Variants in PPP2R1A observed in about 807,000 individuals in gnomAD.
The protein encoded by PPP2R1A is protein phosphatase 2 scaffold subunit Aalpha, also known as serine/threonine-protein phosphatase 2A 65 kDa regulatory subunit A alpha isoform.
A neutral mutation model predicts 67.1 loss-of-function variants in PPP2R1A; 15 were observed. The ratio of observed to expected loss-of-function variants is 0.22; its 90% CI spans 0.15 to 0.34. The LOEUF (loss-of-function observed/expected upper bound fraction) is 0.34. Ranked by LOEUF, PPP2R1A falls within the 10% of genes least tolerant of loss-of-function variation. The pLI is 1.00. For missense variants in PPP2R1A, 369 were observed against 775.0 expected, an observed-to-expected ratio of 0.48 and a Z score of 6.22; for synonymous variants, 337 against 325.0, an observed-to-expected ratio of 1.04 and a Z score of -0.40.
At chr19:52,199,381 G>T (rs190141776) in intron 1 of PPP2R1A, among the ~76,000 whole-genome samples, 196 of 152,160 alleles carry the variant, frequency 1.3e-3, no homozygotes, top group Admixed American at 1.9e-3. Flanking sequence ...GTGTTAGCCA[G>T]GATGGTCTCG....
rs1461586057 is a variant in PPP2R1A, at chr19:52,228,417, A to G, written c.*2436A>G. 1 of 152,218 alleles carries G rather than the reference A, an allele frequency of 6.6e-6. No homozygotes were observed. Among genetic ancestry groups the G allele is most frequent in the African/African-American group, 2.4e-5 (1 of 41,448 alleles). The allele number at this position is 152,218 out of a possible 1,614,324, so 9.4% of individuals were successfully genotyped here. A position where few individuals can be genotyped will look rare whatever the true frequency, so the allele number is the denominator to read the frequency against. On this transcript the variant is annotated 3_prime_UTR_variant, in exon 15 of 15. Coordinates refer to ENST00000322088, the MANE Select transcript of PPP2R1A (RefSeq NM_014225.6). ...GGAGACTCGTTCAAGTGTGTTACTG[A>G]GGGAGTGCTCTCAGGAGAACGGACT...
chr19:52,211,556 C>T lies in PPP2R1A; in HGVS notation c.503+64C>T. On this transcript the variant is annotated intron_variant, in intron 4 of 14. Transcript: ENST00000322088. This position sits in a 1 kb window ranked among gnomAD's most constrained non-coding sequence, Gnocchi z 5.3. ...TCAGCTCCAACCTTCTCTAAAGCCT[C>T]AGACTCCTTTTGGTCTAGCTGGGGC... 6.6e-7 allele frequency: 1 copy of T among 1,516,558 alleles called. No individual in the cohort carries two copies. Among genetic ancestry groups the T allele is most frequent in the Admixed American group, 1.9e-5 (1 of 51,922 alleles). 93.9% of individuals were successfully genotyped at this position (1,516,558 alleles called of 1,614,324 possible).
At chr19:52,203,977 C>G (rs2089577229) in intron 2 of PPP2R1A, among the ~76,000 whole-genome samples, 1 of 152,192 alleles carries the variant, frequency 6.6e-6, no homozygotes, top group African/African-American at 2.4e-5. Context: ...TCCGTGCCCT[C>G]CCTGAGCCCA....
chr19:52,191,920 C>T (rs990704850), intron 1 of PPP2R1A, among the ~76,000 whole-genome samples: 7 of 152,084 alleles, frequency 4.6e-5, no homozygotes, highest in African/African-American at 1.4e-4. Context: ...CTGTGCAGGG[C>T]GCTGTTCTAA....
chr19:52,195,358 TCAA>T (rs2089488747), intron 1 of PPP2R1A, among the ~76,000 whole-genome samples: 1 of 152,126 alleles, frequency 6.6e-6, no homozygotes, highest in African/African-American at 2.4e-5. Context: ...AACACAACAA[TCAA>T]CAACACAGAA....
rs1209514069 is a variant in PPP2R1A, at chr19:52,211,538, C to T, written c.503+46C>T. 4 of 1,555,046 alleles carry T rather than the reference C, an allele frequency of 2.6e-6. No homozygotes were observed. Among genetic ancestry groups the T allele is most frequent in the Non-Finnish European group, 3.5e-6 (4 of 1,147,836 alleles). ...AAGCTCCAAGCTCCCATCTCAGCTC[C>T]AACCTTCTCTAAAGCCTCAGACTCC... is the stretch of plus-strand genomic sequence containing the variant. On this transcript the variant is annotated intron_variant, in intron 4 of 14. Transcript: ENST00000322088. This position sits in a 1 kb window ranked among gnomAD's most constrained non-coding sequence, Gnocchi z 5.3.
intron 1 of PPP2R1A, among the ~76,000 whole-genome samples, chr19:52,195,010 G>C (rs2089485242): frequency 6.6e-6 from 1 of 152,196 alleles, no homozygotes. Flanking sequence ...TGGATCAGTA[G>C]ACTAGGGTCA....
Position 52,212,999 on chromosome 19 carries a change from C to T in PPP2R1A, c.696C>T (p.Ala232=), listed in dbSNP as rs772983821. 1.6e-5 allele frequency: 26 copies of T among 1,611,110 alleles called. No individual in the cohort carries two copies. Among genetic ancestry groups the T allele is most frequent in the Middle Eastern group, 1.6e-4 (1 of 6,066 alleles). ...CGGTGGAGGCGTGCGTGAACATCGC[C>T]CAGCTTCTGCCCCAGGAGGATCTGG... ...LLAVEACVNI[A]QLLPQEDLEA... is the part of the protein sequence containing the mutation. Residue 232 remains alanine (A), a synonymous_variant, in exon 6 of 15, where the codon GCC becomes GCT. Coordinates refer to ENST00000322088, the MANE Select transcript of PPP2R1A (RefSeq NM_014225.6). This position sits in a 1 kb window ranked among gnomAD's most constrained non-coding sequence, Gnocchi z 4.1.
At position 52,216,621 on chromosome 19, in the gene PPP2R1A, C is replaced by T. The variant is rs370489148; in HGVS notation, c.1086C>T (p.Ile362=). The T allele has an allele frequency of 1.9e-5, 30 of 1,614,048 alleles. No homozygotes were observed. The Admixed American group carries it at 3.0e-4, about 16-fold the overall frequency. The change falls in exon 9 of 15, where the codon ATC becomes ATT. Residue 362 remains isoleucine, a synonymous_variant. Transcript: ENST00000322088. The surrounding 1 kb of genome is among the most constrained non-coding windows in gnomAD (Gnocchi z 4.3). ...CCATCTTGGGCAAAGACAACACCAT[C>T]GAGCACCTCTTGCCCCTCTTCCTGG... The part of the protein sequence containing the change: ...LSPILGKDNT[I]EHLLPLFLAQ...
intron 2 of PPP2R1A, among the ~76,000 whole-genome samples, chr19:52,204,281 C>G (rs545879035): frequency 7.9e-5 from 12 of 152,284 alleles, no homozygotes; most frequent in African/African-American, 2.6e-4. Context: ...TTCTTTGAAA[C>G]TATTGGCAGA....
At chr19:52,199,382 G>A (rs984569816) in intron 1 of PPP2R1A, among the ~76,000 whole-genome samples, 1 of 151,986 alleles carries the variant, frequency 6.6e-6, no homozygotes, top group African/African-American at 2.4e-5. Context: ...TGTTAGCCAG[G>A]ATGGTCTCGA....
Position 52,219,820 on chromosome 19 carries a change from C to T in PPP2R1A, c.1258C>T (p.Arg420Trp), listed in dbSNP as rs759316091. 6.2e-7 allele frequency: 1 copy of T among 1,612,370 alleles called. No individual in the cohort carries two copies. Among genetic ancestry groups the T allele is most frequent in the Non-Finnish European group, 8.5e-7 (1 of 1,179,852 alleles). The change falls in exon 10 of 15, where the codon CGG becomes TGG. Residue 420 changes from arginine (R) to tryptophan (W), a missense_variant. This residue lies in a region of PPP2R1A where 276 missense variants were observed against 508.4 expected (regional missense o/e 0.54). Transcript: ENST00000322088. This position sits in a 1 kb window ranked among gnomAD's most constrained non-coding sequence, Gnocchi z 4.0. The part of the protein sequence containing the change: ...ELAEDAKWRV[R>W]LAIIEYMPLL... ...GGCTGAGGACGCCAAGTGGCGGGTGCGGCTGGCCATCATTGAGTACATGCC... is the reference window on the plus strand; with the variant it reads ...GGCTGAGGACGCCAAGTGGCGGGTGTGGCTGGCCATCATTGAGTACATGCC...
chr19:52,200,883 A>T (rs554476058), intron 1 of PPP2R1A, among the ~76,000 whole-genome samples: 1 of 151,982 alleles, frequency 6.6e-6, no homozygotes, highest in Non-Finnish European at 1.5e-5. Context: ...TCCGTTTAGG[A>T]TGATATTATC....
intron 9 of PPP2R1A, among the ~76,000 whole-genome samples, chr19:52,217,602 A>C (rs1978657194): frequency 6.6e-6 from 1 of 152,148 alleles, no homozygotes; most frequent in South Asian, 2.1e-4. Context: ...GTTAAGGATG[A>C]GTTCATGTTT....
At chr19:52,215,393 T>TTAAAGA (rs1018140339) in intron 6 of PPP2R1A, among the ~76,000 whole-genome samples, 3 of 152,244 alleles carry the variant, frequency 2.0e-5, no homozygotes, top group African/African-American at 7.2e-5. Context: ...TAATTCGTGC[T>TTAAAGA]TCTGGTAACA....
chr19:52,209,597 A>G (rs1339836259), intron 3 of PPP2R1A, among the ~76,000 whole-genome samples: 3 of 152,142 alleles, frequency 2.0e-5, no homozygotes, highest in Non-Finnish European at 2.9e-5. Flanking sequence ...CACATTGTGC[A>G]GCCATTATCA....
At chr19:52,220,133 T>C in intron 10 of PPP2R1A, 56 bp from the exon 11 acceptor site, 1 of 1,565,658 alleles carries the variant, frequency 6.4e-7, no homozygotes, top group Non-Finnish European at 8.8e-7. Flanking sequence ...GGCTAGCAGC[T>C]CCCCCTGTTT....
At chr19:52,215,708 A>G (rs1380379339) in intron 6 of PPP2R1A, 71 bp from the exon 7 acceptor site, 1 of 1,301,546 alleles carries the variant, frequency 7.7e-7, no homozygotes, top group Non-Finnish European at 1.1e-6. Context: ...CTTCACTTTG[A>G]TTTTGGCTTC....
rs2122339404 is a variant in PPP2R1A at position 52,213,127 on chromosome 19, T to A, written c.807+17T>A. On this transcript the variant is annotated intron_variant, in intron 6 of 14. Transcript: ENST00000322088. This position sits in a 1 kb window ranked among gnomAD's most constrained non-coding sequence, Gnocchi z 4.2. Reference sequence around the variant, plus strand: ...TTCACAGAGGTAGATGAGCGACCGTTGACATTGTCCCACTGGTGGGGACAC... The same window carrying A: ...TTCACAGAGGTAGATGAGCGACCGTAGACATTGTCCCACTGGTGGGGACAC... The A allele has an allele frequency of 6.5e-7, 1 of 1,538,954 alleles. No homozygotes were observed. Among genetic ancestry groups the A allele is most frequent in the Non-Finnish European group, 8.7e-7 (1 of 1,148,606 alleles).
Sources: allele counts gnomAD v4.1 joint callset (sites outside exome capture counted in the v4.1 genomes callset), GRCh38; gene constraint gnomAD v4.1.1; regional missense constraint gnomAD v4.1.1; non-coding constraint Gnocchi (gnomAD v3.1); transcripts MANE v1.5; gene names NCBI Gene and HGNC (gene_info 2026-07-23, HGNC 2026-07-21).